HTR2C: variants seen among roughly 807,000 people sequenced by gnomAD.
The protein encoded by HTR2C is 5-hydroxytryptamine (serotonin) receptor 2C, G protein-coupled.
A neutral mutation model predicts 21.0 loss-of-function variants in HTR2C; 5 were observed. The ratio of observed to expected loss-of-function variants is 0.24; its 90% CI spans 0.12 to 0.50. The LOEUF is 0.50. Among genes scored for constraint, HTR2C ranks in the 20% least tolerant of loss-of-function variants. The pLI, the probability that HTR2C is intolerant of heterozygous loss-of-function variation, is 0.98. For synonymous variants in HTR2C, 150 were observed against 145.3 expected, an observed-to-expected ratio of 1.03 and a Z score of -0.23; for missense variants, 271 against 371.2, an observed-to-expected ratio of 0.73 and a Z score of 2.22.
In HTR2C at chrX:114,637,537, T is replaced by C. The variant is rs183147124; in HGVS notation, c.-80+23656T>C. Reference sequence around the variant, plus strand: ...GAAAGTAGATTATTTATTTTGAAAATGAGCTCAATTATTTCAGGGTCTAGA... The same window carrying C: ...GAAAGTAGATTATTTATTTTGAAAACGAGCTCAATTATTTCAGGGTCTAGA... On this transcript the variant is annotated intron_variant, in intron 2 of 5. Coordinates refer to ENST00000276198, the MANE Select transcript of HTR2C (RefSeq NM_000868.4). Among the ~76,000 whole-genome samples, 14 of 111,918 alleles carry C rather than the reference T, an allele frequency of 1.3e-4. No individual in the cohort carries two copies. The East Asian group carries it at 3.7e-3, about 29-fold the overall frequency.
intron 4 of HTR2C, among the ~76,000 whole-genome samples, chrX:114,814,375 A>G (rs1355656591): frequency 9.0e-6 from 1 of 110,533 alleles, no homozygotes; most frequent in East Asian, 2.8e-4. Flanking sequence ...TTAAAATCCT[A>G]TAGATTTACT....
chrX:114,879,224 G>A (rs1163860140), intron 5 of HTR2C, among the ~76,000 whole-genome samples: 1 of 101,115 alleles, frequency 9.9e-6, no homozygotes, highest in Non-Finnish European at 2.0e-5. Context: ...CCCATTTATG[G>A]TTAAAAATAT....
chrX:114,807,486 C>A (rs901901139), intron 4 of HTR2C, among the ~76,000 whole-genome samples: 2 of 86,100 alleles, frequency 2.3e-5, no homozygotes, highest in Non-Finnish European at 4.5e-5. Context: ...ATATATACAT[C>A]ATATATATAC....
chrX:114,655,107 G>T (rs1930735314), intron 2 of HTR2C, among the ~76,000 whole-genome samples: 1 of 110,103 alleles, frequency 9.1e-6, no homozygotes, highest in African/African-American at 3.3e-5. Context: ...AAAGAATAAG[G>T]TATGATTAGG....
intron 2 of HTR2C, among the ~76,000 whole-genome samples, chrX:114,708,646 A>C: frequency 9.1e-6 from 1 of 109,463 alleles, no homozygotes; most frequent in Middle Eastern, 4.7e-3. Context: ...GCTAAAAAAA[A>C]TTTTTTTTAA....
chrX:114,732,576 C>T (rs2069547381), intron 4 of HTR2C, among the ~76,000 whole-genome samples: 1 of 111,435 alleles, frequency 9.0e-6, no homozygotes, highest in Non-Finnish European at 1.9e-5. Flanking sequence ...CCTATGGCAA[C>T]AGTAGATTAT....
Position 114,831,464 on chromosome X carries a change from T to C in HTR2C, c.350-16539T>C, listed in dbSNP as rs1318550476. On this transcript the variant is annotated intron_variant, in intron 4 of 5. Coordinates refer to ENST00000276198, the MANE Select transcript of HTR2C (RefSeq NM_000868.4). ...TGATGGCCAGTGATGATGAGCATTT[T>C]TTCATGTGTTTTTTGGCTGCATAAA... Among the ~76,000 whole-genome samples the C allele has an allele frequency of 5.3e-3, 517 of 97,165 alleles. 7 individuals carry two copies. Among genetic ancestry groups the C allele is most frequent in the African/African-American group, 0.018 (496 of 27,144 alleles). 84.4% of individuals were successfully genotyped at this position (97,165 alleles called of 115,157 possible). A position where few individuals can be genotyped will look rare whatever the true frequency, so the allele number is the denominator to read the frequency against.
chrX:114,825,867 C>T (rs1398154009), intron 4 of HTR2C, among the ~76,000 whole-genome samples: 3 of 111,061 alleles, frequency 2.7e-5, no homozygotes, highest in Non-Finnish European at 3.8e-5. Flanking sequence ...TATATTCCCT[C>T]GATGAATTGA....
chrX:114,849,676 A>T (rs781928482), intron 5 of HTR2C, among the ~76,000 whole-genome samples: 2 of 112,198 alleles, frequency 1.8e-5, no homozygotes, highest in South Asian at 7.4e-4. Context: ...TTAAATCACC[A>T]TAGACATGGA....
rs782397367 is a variant in HTR2C at position 114,687,552 on chromosome X, GATTA to G, written c.-79-39300_-79-39297del. On this transcript the variant is annotated intron_variant, in intron 2 of 5. Coordinates refer to ENST00000276198, the MANE Select transcript of HTR2C (RefSeq NM_000868.4). ...ATTATGAATTTTGTATTGTTATTAAGATTAATTAAGATTATATTGCAATAAAAAT... is the reference window on the plus strand; with the variant it reads ...ATTATGAATTTTGTATTGTTATTAAGATTAAGATTATATTGCAATAAAAAT... Among the ~76,000 whole-genome samples, 17 of 111,568 alleles carry G rather than the reference GATTA, an allele frequency of 1.5e-4. No individual in the cohort carries two copies. The East Asian group carries it at 3.1e-3, about 20-fold the overall frequency.
At chrX:114,712,470 G>T (rs1480935708) in intron 2 of HTR2C, among the ~76,000 whole-genome samples, 2 of 111,885 alleles carry the variant, frequency 1.8e-5, no homozygotes, top group Non-Finnish European at 3.8e-5. Context: ...AACTAATTTT[G>T]AATTTACAGA....
intron 4 of HTR2C, chrX:114,775,686 CA>C: frequency 1.6e-6 from 1 of 610,116 alleles, no homozygotes; most frequent in Non-Finnish European, 2.6e-6. Flanking sequence ...ACAGCTTCAT[CA>C]AGGTTGATGC....
chrX:114,728,313 G>A (rs2069502615), intron 3 of HTR2C, among the ~76,000 whole-genome samples: 1 of 111,226 alleles, frequency 9.0e-6, no homozygotes. Context: ...AGATTCCTAT[G>A]AGCTTAAAAA....
At chrX:114,805,952 CACCATATATAT>C (rs1323657529) in intron 4 of HTR2C, among the ~76,000 whole-genome samples, 1 of 68,213 alleles carries the variant, frequency 1.5e-5, no homozygotes, top group African/African-American at 5.0e-5. Flanking sequence ...TATATATATA[CACCATATATAT>C]ACCATATATA....
At position 114,806,322 on chromosome X, in the gene HTR2C, T is replaced by TATAC. The variant is rs1556449537; in HGVS notation, c.350-41680_350-41679insTACA. Among the ~76,000 whole-genome samples, 158 of 96,994 alleles carry TATAC rather than the reference T, an allele frequency of 1.6e-3. 1 individual carries two copies. Among genetic ancestry groups the TATAC allele is most frequent in the African/African-American group, 5.7e-3 (151 of 26,672 alleles). 84.2% of individuals were successfully genotyped at this position (96,994 alleles called of 115,157 possible). On this transcript the variant is annotated intron_variant, in intron 4 of 5. Transcript: ENST00000276198. The stretch of plus-strand genomic sequence containing the variant: ...ACACCATATATATACACTACATATA[T>TATAC]ACACCATATATATACACCATATATA...
intron 2 of HTR2C, among the ~76,000 whole-genome samples, chrX:114,638,250 G>A (rs1419809808): frequency 9.0e-6 from 1 of 111,505 alleles, no homozygotes; most frequent in African/African-American, 3.3e-5. Context: ...AAAATAGCCC[G>A]AGAGTTCAAT....
chrX:114,586,352 G>A (rs1429377757), intron 1 of HTR2C, among the ~76,000 whole-genome samples: 5 of 111,780 alleles, frequency 4.5e-5, no homozygotes, highest in African/African-American at 1.3e-4. Flanking sequence ...TTTTGGGGAG[G>A]TAGGTTATAG....
intron 2 of HTR2C, among the ~76,000 whole-genome samples, chrX:114,648,482 C>G (rs1930441028): frequency 9.0e-6 from 1 of 111,710 alleles, no homozygotes; most frequent in Non-Finnish European, 1.9e-5. Flanking sequence ...AATCCCAGCA[C>G]TTTGGGAGGC....
At chrX:114,855,829 A>T (rs1488652461) in intron 5 of HTR2C, among the ~76,000 whole-genome samples, 1 of 84,071 alleles carries the variant, frequency 1.2e-5, no homozygotes, top group Non-Finnish European at 2.2e-5. Context: ...TATTTTGGAA[A>T]ATCAGGTCTA....
Sources: gnomAD v4.1 joint callset for allele counts (sites outside exome capture counted in the v4.1 genomes callset) on GRCh38, gnomAD v4.1.1 for gene constraint, MANE v1.5 for transcripts, NCBI Gene and HGNC (gene_info 2026-07-23, HGNC 2026-07-21) for gene names.